Variants in COL23A1 observed in about 807,000 individuals in gnomAD.
COL23A1 encodes collagen alpha-1(XXIII) chain.
A neutral mutation model predicts 99.3 loss-of-function variants in COL23A1; 97 were observed. The ratio of observed to expected loss-of-function variants is 0.98; its 90% CI spans 0.83 to 1.16. The LOEUF is 1.16. Among genes scored for constraint, COL23A1 ranks in the 50% most tolerant of loss-of-function variants. The pLI is 0.00. For synonymous variants in COL23A1, 320 were observed against 308.2 expected, an observed-to-expected ratio of 1.04 and a Z score of -0.40; for missense variants, 762 against 757.4, an observed-to-expected ratio of 1.01 and a Z score of -0.07.
intron 2 of COL23A1, among the ~76,000 whole-genome samples, chr5:178,423,059 T>G (rs1765720639): frequency 1.3e-5 from 2 of 152,170 alleles, no homozygotes; most frequent in Admixed American, 6.5e-5. Context: ...CTGGAACTAC[T>G]GGGCTCAAGC....
intron 2 of COL23A1, among the ~76,000 whole-genome samples, chr5:178,462,226 C>G (rs952808450): frequency 6.6e-6 from 1 of 152,196 alleles, no homozygotes; most frequent in Admixed American, 6.5e-5. Context: ...GACATGGAGT[C>G]TCCAAGAGGT....
In COL23A1 at chr5:178,323,594, G is replaced by A. The variant is rs147683830; in HGVS notation, c.362-16675C>T. 4.6e-3 allele frequency among the ~76,000 whole-genome samples: 697 copies of A among 152,258 alleles called. 4 individuals are homozygous for A. The highest frequency in any genetic ancestry group is 0.016 in the African/African-American group (646 of 41,550). On this transcript the variant is annotated intron_variant, in intron 2 of 28. Transcript: ENST00000390654. ...GGGAAGCTGGGAGCCCCTGCTGGGA[G>A]TGGCAGCCCCATCCTGCAGGTCCCA... is the stretch of plus-strand genomic sequence containing the variant.
At chr5:178,372,962 C>T (rs1278389339) in intron 2 of COL23A1, among the ~76,000 whole-genome samples, 2 of 142,372 alleles carry the variant, frequency 1.4e-5, no homozygotes, top group African/African-American at 5.3e-5. Flanking sequence ...CAGAGTCTTG[C>T]TCTGTCACCC....
At chr5:178,358,570 AAT>A (rs1491246689) in intron 2 of COL23A1, among the ~76,000 whole-genome samples, 3 of 123,570 alleles carry the variant, frequency 2.4e-5, no homozygotes, top group African/African-American at 6.0e-5. Flanking sequence ...GTGTATGTCT[AAT>A]GTGTATGTGT....
intron 22 of COL23A1, among the ~76,000 whole-genome samples, chr5:178,247,253 G>A (rs1362620088): frequency 6.6e-6 from 1 of 152,106 alleles, no homozygotes; most frequent in Non-Finnish European, 1.5e-5. Flanking sequence ...CAGTGGAAAC[G>A]GTGGTGGACC....
At chr5:178,522,376 G>A (rs1759995351) in intron 2 of COL23A1, among the ~76,000 whole-genome samples, 1 of 152,152 alleles carries the variant, frequency 6.6e-6, no homozygotes, top group Non-Finnish European at 1.5e-5. Flanking sequence ...GCCCACGTGA[G>A]TCCCAGTCCG....
At chr5:178,256,818 G>T in intron 14 of COL23A1, 48 bp downstream of exon 14, 1 of 1,570,438 alleles carries the variant, frequency 6.4e-7, no homozygotes, top group Non-Finnish European at 8.7e-7. Context: ...ACTGGGTGGA[G>T]GTCTGAGCGG....
intron 2 of COL23A1, among the ~76,000 whole-genome samples, chr5:178,454,112 G>A (rs572795017): frequency 6.6e-6 from 1 of 152,096 alleles, no homozygotes; most frequent in Non-Finnish European, 1.5e-5. Context: ...ACAACATATG[G>A]ACAGTTAAGC....
intron 2 of COL23A1, among the ~76,000 whole-genome samples, chr5:178,537,799 G>A (rs747338570): frequency 1.4e-4 from 21 of 152,322 alleles, no homozygotes; most frequent in South Asian, 1.2e-3. Context: ...GTGGCATGAC[G>A]TTTCCCATGG....
chr5:178,372,629 G>C (rs1762858716), intron 2 of COL23A1, among the ~76,000 whole-genome samples: 1 of 152,148 alleles, frequency 6.6e-6, no homozygotes, highest in Non-Finnish European at 1.5e-5. Context: ...CTGGAGTGCA[G>C]TGGTGAGGTC....
chr5:178,546,551 G>A (rs1761589537), intron 2 of COL23A1, among the ~76,000 whole-genome samples: 2 of 152,196 alleles, frequency 1.3e-5, no homozygotes, highest in Admixed American at 1.3e-4. Context: ...TCCTGACACT[G>A]GGGGCCGTCC....
chr5:178,509,351 G>A (rs1435950592), intron 2 of COL23A1, among the ~76,000 whole-genome samples: 1 of 152,020 alleles, frequency 6.6e-6, no homozygotes, highest in Admixed American at 6.5e-5. Context: ...CTCCCTAGTA[G>A]CTGGGACTAC....
At chr5:178,583,560 C>T (rs1383981502) in intron 1 of COL23A1, among the ~76,000 whole-genome samples, 3 of 152,108 alleles carry the variant, frequency 2.0e-5, no homozygotes, top group East Asian at 1.9e-4. Context: ...GTGACCAGGA[C>T]GGGTAATCCG....
intron 4 of COL23A1, among the ~76,000 whole-genome samples, chr5:178,289,158 C>G (rs1757319434): frequency 6.6e-6 from 1 of 152,052 alleles, no homozygotes; most frequent in East Asian, 1.9e-4. Context: ...CCGAGAAGCC[C>G]AGATTCCGAA....
At chr5:178,358,587 G>GTA (rs1275097526) in intron 2 of COL23A1, among the ~76,000 whole-genome samples, 5 of 150,010 alleles carry the variant, frequency 3.3e-5, no homozygotes, top group African/African-American at 9.8e-5. Context: ...ATGTGTATGT[G>GTA]TGTGTATGTG....
intron 4 of COL23A1, chr5:178,288,570 T>C: frequency 1.6e-6 from 1 of 623,682 alleles, no homozygotes; most frequent in Non-Finnish European, 2.9e-6. Flanking sequence ...CCTCAGGGCT[T>C]CATCGGGGCT....
intron 2 of COL23A1, among the ~76,000 whole-genome samples, chr5:178,436,206 C>T (rs1035018632): frequency 2.0e-5 from 3 of 152,084 alleles, no homozygotes; most frequent in African/African-American, 7.2e-5. Context: ...TAGCCCAGAC[C>T]CCTGAAAACC....
At chr5:178,497,177 C>A (rs973984773) in intron 2 of COL23A1, among the ~76,000 whole-genome samples, 1 of 152,162 alleles carries the variant, frequency 6.6e-6, no homozygotes, top group Non-Finnish European at 1.5e-5. Flanking sequence ...CCACCCACTA[C>A]ATAGAAAACA....
At chr5:178,418,692 G>A (rs761875406) in intron 2 of COL23A1, among the ~76,000 whole-genome samples, 2 of 145,028 alleles carry the variant, frequency 1.4e-5, no homozygotes, top group Admixed American at 6.7e-5. Flanking sequence ...TCCTTTGTAG[G>A]TGGCAGGCTG....
Sources: gnomAD v4.1 joint callset for allele counts (sites outside exome capture counted in the v4.1 genomes callset) on GRCh38, gnomAD v4.1.1 for gene constraint, MANE v1.5 for transcripts, NCBI Gene and HGNC (gene_info 2026-07-23, HGNC 2026-07-21) for gene names.